KLHL29: variants seen among roughly 807,000 people sequenced by gnomAD.
The protein encoded by KLHL29 is kelch-like protein 29.
KLHL29 carries 21 observed loss-of-function variants against 80.4 expected under a neutral mutation model. The observed-to-expected ratio is 0.26, with a 90% CI of 0.19 to 0.38. KLHL29 has a LOEUF of 0.38. Among genes scored for constraint, KLHL29 ranks in the 10% least tolerant of loss-of-function variants. The pLI, the probability that KLHL29 is intolerant of heterozygous loss-of-function variation, is 1.00. For synonymous variants in KLHL29, 511 were observed against 526.8 expected, an observed-to-expected ratio of 0.97 and a Z score of 0.41; for missense variants, 867 against 1,223.9, an observed-to-expected ratio of 0.71 and a Z score of 4.35.
intron 1 of KLHL29, among the ~76,000 whole-genome samples, chr2:23,388,550 A>G (rs566596541): frequency 1.8e-4 from 28 of 152,216 alleles, no homozygotes; most frequent in Non-Finnish European, 3.5e-4. Context: ...TGCCTATTTC[A>G]GTATTCATGC....
intron 2 of KLHL29, among the ~76,000 whole-genome samples, chr2:23,530,487 C>T (rs1233521913): frequency 6.6e-6 from 1 of 152,236 alleles, no homozygotes; most frequent in Non-Finnish European, 1.5e-5. Context: ...CCTCCCCCAG[C>T]TGTACTGTTG....
intron 11 of KLHL29, 36 bp from the exon 12 acceptor site, chr2:23,703,150 A>C: frequency 7.2e-7 from 1 of 1,390,340 alleles, no homozygotes; most frequent in Middle Eastern, 1.9e-4. Context: ...CACAAGGTCC[A>C]TCTTGACCCT....
chr2:23,506,720 C>T (rs927817709), intron 2 of KLHL29, among the ~76,000 whole-genome samples: 1 of 152,176 alleles, frequency 6.6e-6, no homozygotes, highest in Non-Finnish European at 1.5e-5. Flanking sequence ...CAGCAGCCAT[C>T]GCCTCTCTTC....
rs908697317 is a variant in KLHL29 at position 23,682,473 on chromosome 2, C to G, written c.941-1926C>G. On this transcript the variant is annotated intron_variant, in intron 5 of 13. Transcript: ENST00000486442. The surrounding 1 kb of genome is among the most constrained non-coding windows in gnomAD (Gnocchi z 4.1). ...CCTCCCAAGCCACTCCCCATCCTGC[C>G]TCTGTGTGGATTTGTCTGAAACCCA... Among the ~76,000 whole-genome samples, 3 of 152,326 alleles carry G rather than the reference C, an allele frequency of 2.0e-5. No homozygotes were observed. Among genetic ancestry groups the G allele is most frequent in the Admixed American group, 2.0e-4 (3 of 15,310 alleles).
At chr2:23,605,920 C>T (rs1358848089) in intron 3 of KLHL29, among the ~76,000 whole-genome samples, 2 of 152,110 alleles carry the variant, frequency 1.3e-5, no homozygotes, top group Non-Finnish European at 2.9e-5. Flanking sequence ...TAGGCACCCA[C>T]CACCACGCCC....
intron 2 of KLHL29, among the ~76,000 whole-genome samples, chr2:23,477,528 C>T (rs1476520831): frequency 1.3e-5 from 2 of 152,262 alleles, no homozygotes; most frequent in African/African-American, 4.8e-5. Context: ...GTGCATCCAG[C>T]CTTCAGCCTC....
intron 3 of KLHL29, among the ~76,000 whole-genome samples, chr2:23,628,525 A>C (rs1279048898): frequency 6.6e-6 from 1 of 152,086 alleles, no homozygotes; most frequent in African/African-American, 2.4e-5. Flanking sequence ...GGTGGCTCAC[A>C]CCTGTAATCC....
intron 2 of KLHL29, among the ~76,000 whole-genome samples, chr2:23,541,236 C>T (rs967570817): frequency 5.9e-5 from 9 of 152,096 alleles, no homozygotes; most frequent in Non-Finnish European, 7.4e-5. Context: ...CGGAGGGAGA[C>T]GTGAATGGAT....
intron 3 of KLHL29, among the ~76,000 whole-genome samples, chr2:23,564,063 C>T (rs1295471042): frequency 6.6e-6 from 1 of 152,256 alleles, no homozygotes; most frequent in Admixed American, 6.5e-5. Context: ...ATGGCAGCCG[C>T]TGGAACCGAC....
chr2:23,697,321 C>T (rs1388598860), intron 11 of KLHL29: 1 of 152,228 alleles, frequency 6.6e-6, no homozygotes, highest in East Asian at 1.9e-4. Context: ...GGGGGAAAAG[C>T]TCAGGAAGCT....
At chr2:23,701,492 T>C (rs536345035) in intron 11 of KLHL29, among the ~76,000 whole-genome samples, 87 of 152,252 alleles carry the variant, frequency 5.7e-4, no homozygotes, top group African/African-American at 2.1e-3. Flanking sequence ...GTGGGAGGAT[T>C]GCTTAAGCTC....
intron 1 of KLHL29, among the ~76,000 whole-genome samples, chr2:23,461,975 C>A (rs1483347863): frequency 1.3e-5 from 1 of 79,504 alleles, no homozygotes; most frequent in Non-Finnish European, 3.0e-5. Context: ...CGGTTTTTGC[C>A]ATTTTTTTTT....
At chr2:23,458,289 G>A (rs72776769) in intron 1 of KLHL29, among the ~76,000 whole-genome samples, 19,950 of 152,276 alleles carry the variant, frequency 0.13, 1,718 homozygotes, top group Middle Eastern at 0.21. Context: ...CTGGAGCTGG[G>A]CTGGCAGACT....
At chr2:23,549,402 T>C (rs1667065328) in intron 2 of KLHL29, among the ~76,000 whole-genome samples, 1 of 152,116 alleles carries the variant, frequency 6.6e-6, no homozygotes, top group African/African-American at 2.4e-5. Flanking sequence ...CTCGTTTGCA[T>C]GCTTGGGTGG....
intron 2 of KLHL29, among the ~76,000 whole-genome samples, chr2:23,550,973 T>A (rs1667108477): frequency 6.6e-6 from 1 of 152,200 alleles, no homozygotes; most frequent in Non-Finnish European, 1.5e-5. Context: ...AAGACTGGGA[T>A]CGTGTGTTTG....
Position 23,562,873 on chromosome 2 carries a change from C to T in KLHL29, c.285+392C>T, listed in dbSNP as rs1450244486. On this transcript the variant is annotated intron_variant, in intron 3 of 13. Transcript: ENST00000486442. This position sits in a 1 kb window ranked among gnomAD's most constrained non-coding sequence, Gnocchi z 4.5. ...AGTAACTTGGGTGTGCAAGAAGATA[C>T]TGACAAGCAGTAACAGTCATAAAGG... Among the ~76,000 whole-genome samples the T allele has an allele frequency of 6.6e-6, 1 of 152,174 alleles. No individual in the cohort carries two copies. Among genetic ancestry groups the T allele is most frequent in the Non-Finnish European group, 1.5e-5 (1 of 68,036 alleles).
chr2:23,565,448 G>A (rs873315), intron 3 of KLHL29, among the ~76,000 whole-genome samples: 55,225 of 152,062 alleles, frequency 0.36, 12,332 homozygotes, highest in Non-Finnish European at 0.49. Context: ...AGAAAGCAAG[G>A]AAAGGAAAGA....
rs989640616 is a variant in KLHL29, at chr2:23,561,338, C to G, written c.-45-814C>G. Among the ~76,000 whole-genome samples the G allele has an allele frequency of 1.2e-4, 19 of 152,314 alleles. No individual in the cohort carries two copies. In the South Asian group the frequency reaches 3.9e-3, roughly 32 times the overall value. On this transcript the variant is annotated intron_variant, in intron 2 of 13. Coordinates refer to ENST00000486442, the MANE Select transcript of KLHL29 (RefSeq NM_052920.2). ...GTGATTCAGAAGCCCTTCCAAGTAT[C>G]ATGGTGTGTCCAGGTCTCCATGACA...
chr2:23,661,657 A>C (rs1403089935), intron 5 of KLHL29, among the ~76,000 whole-genome samples: 1 of 152,246 alleles, frequency 6.6e-6, no homozygotes, highest in Non-Finnish European at 1.5e-5. Context: ...GTGCCCCCAC[A>C]GTGCCCCTGG....
Sources: gnomAD v4.1 joint callset for allele counts (sites outside exome capture counted in the v4.1 genomes callset) on GRCh38, gnomAD v4.1.1 for gene constraint, Gnocchi (gnomAD v3.1) non-coding constraint, MANE v1.5 for transcripts, NCBI Gene and HGNC (gene_info 2026-07-23, HGNC 2026-07-21) for gene names.